Variants in NXPH1 observed in about 807,000 individuals in gnomAD.
NXPH1 encodes neurexophilin-1.
A neutral mutation model predicts 23.7 loss-of-function variants in NXPH1; 5 were observed. That is an observed-to-expected ratio of 0.21 (90% CI 0.11 to 0.44). The LOEUF (loss-of-function observed/expected upper bound fraction) is 0.44, where lower values mean the gene tolerates loss of function less well. Among genes scored for constraint, NXPH1 ranks in the 20% least tolerant of loss-of-function variants. The pLI is 0.99. For synonymous variants in NXPH1, 144 were observed against 122.2 expected (o/e 1.18, Z -1.18); for missense variants, 324 against 321.6 (o/e 1.01, Z -0.06).
At chr7:8,563,572 G>C (rs1029030471) in intron 2 of NXPH1, among the ~76,000 whole-genome samples, 16 of 151,792 alleles carry the variant, frequency 1.1e-4, no homozygotes, top group African/African-American at 3.9e-4. Context: ...CTGACTATGA[G>C]CAATAAGGTG....
chr7:8,525,948 A>T (rs1817854849), intron 2 of NXPH1, among the ~76,000 whole-genome samples: 1 of 152,134 alleles, frequency 6.6e-6, no homozygotes, highest in Admixed American at 6.5e-5. Flanking sequence ...CTGGGGCTCC[A>T]CCTAGTGGAG....
intron 2 of NXPH1, among the ~76,000 whole-genome samples, chr7:8,738,595 G>A (rs962022757): frequency 2.6e-5 from 4 of 152,160 alleles, no homozygotes; most frequent in African/African-American, 7.2e-5. Flanking sequence ...CAGGAGGCAC[G>A]GGAGTGAGGG....
intron 2 of NXPH1, among the ~76,000 whole-genome samples, chr7:8,637,610 A>G (rs1018841576): frequency 2.0e-5 from 3 of 152,078 alleles, no homozygotes; most frequent in Non-Finnish European, 4.4e-5. Context: ...AATTGGCCAC[A>G]CTAACAGCTC....
At chr7:8,595,736 C>T (rs758475136) in intron 2 of NXPH1, among the ~76,000 whole-genome samples, 5 of 151,570 alleles carry the variant, frequency 3.3e-5, no homozygotes, top group Admixed American at 2.0e-4. Flanking sequence ...TGTCTGTGTG[C>T]GTGTGCATGT....
intron 2 of NXPH1, among the ~76,000 whole-genome samples, chr7:8,643,996 T>A (rs947473671): frequency 6.6e-6 from 1 of 152,186 alleles, no homozygotes; most frequent in African/African-American, 2.4e-5. Context: ...TTGGGGTTCA[T>A]GGACAACAAC....
At chr7:8,669,095 T>C (rs1820826501) in intron 2 of NXPH1, among the ~76,000 whole-genome samples, 1 of 152,142 alleles carries the variant, frequency 6.6e-6, no homozygotes. Context: ...AGCCAATAAA[T>C]TGCTGTGATT....
chr7:8,517,625 T>G (rs1817706904), intron 2 of NXPH1, among the ~76,000 whole-genome samples: 1 of 152,144 alleles, frequency 6.6e-6, no homozygotes, highest in Non-Finnish European at 1.5e-5. Context: ...AAAGAGAACA[T>G]ACGGCACTGG....
intron 2 of NXPH1, among the ~76,000 whole-genome samples, chr7:8,612,222 C>A (rs1172994366): frequency 1.3e-5 from 2 of 148,744 alleles, no homozygotes; most frequent in African/African-American, 2.5e-5. Flanking sequence ...CTTTTTCTTT[C>A]TTTTTTTTAC....
At chr7:8,641,640 A>T (rs147335172) in intron 2 of NXPH1, among the ~76,000 whole-genome samples, 2 of 151,986 alleles carry the variant, frequency 1.3e-5, no homozygotes. Flanking sequence ...TTCATTAGCC[A>T]TTGCTTATGG....
chr7:8,738,876 G>T (rs1780309783), intron 2 of NXPH1, among the ~76,000 whole-genome samples: 1 of 152,044 alleles, frequency 6.6e-6, no homozygotes, highest in Admixed American at 6.5e-5. Context: ...GCTGAGCTGT[G>T]GTGGGCTTCA....
At chr7:8,658,438 A>G (rs889543463) in intron 2 of NXPH1, among the ~76,000 whole-genome samples, 1 of 152,236 alleles carries the variant, frequency 6.6e-6, no homozygotes, top group African/African-American at 2.4e-5. Context: ...CATTGTAACT[A>G]CAGCTACAAT....
chr7:8,434,953 G>C lies in NXPH1; in HGVS notation c.-111+198G>C, dbSNP rs1816163287. ...CTTTGGCTCGAAAAAAGTAGTGCTA[G>C]AGATGTGACTGTGAGCATTCGTGGG... is the stretch of plus-strand genomic sequence containing the variant. On this transcript the variant is annotated intron_variant, in intron 1 of 2. Coordinates refer to ENST00000405863, the MANE Select transcript of NXPH1 (RefSeq NM_152745.3). This position sits in a 1 kb window ranked among gnomAD's most constrained non-coding sequence, Gnocchi z 7.6. 1 of 152,290 alleles carries C rather than the reference G, an allele frequency of 6.6e-6. No homozygotes were observed. Among genetic ancestry groups the C allele is most frequent in the Non-Finnish European group, 1.5e-5 (1 of 68,130 alleles). 9.4% of individuals were successfully genotyped at this position (152,290 alleles called of 1,614,324 possible).
intron 2 of NXPH1, among the ~76,000 whole-genome samples, chr7:8,616,863 A>AC (rs1274189628): frequency 6.6e-6 from 1 of 151,810 alleles, no homozygotes; most frequent in Non-Finnish European, 1.5e-5. Flanking sequence ...TAAAAAAAAA[A>AC]AAAACCACTC....
intron 2 of NXPH1, among the ~76,000 whole-genome samples, chr7:8,604,750 G>A (rs551182717): frequency 3.9e-5 from 6 of 152,050 alleles, no homozygotes; most frequent in African/African-American, 1.4e-4. Context: ...GACTACTAGT[G>A]GCAATAGCAT....
intron 2 of NXPH1, among the ~76,000 whole-genome samples, chr7:8,519,324 T>C (rs1817733784): frequency 6.6e-6 from 1 of 152,180 alleles, no homozygotes; most frequent in Non-Finnish European, 1.5e-5. Context: ...CCCCTTCCTA[T>C]GTAGACAGTC....
intron 2 of NXPH1, among the ~76,000 whole-genome samples, chr7:8,573,526 G>A (rs1044395223): frequency 6.6e-6 from 1 of 152,088 alleles, no homozygotes; most frequent in Non-Finnish European, 1.5e-5. Context: ...TTGGCAACAA[G>A]GAACAGTTGG....
intron 2 of NXPH1, among the ~76,000 whole-genome samples, chr7:8,539,496 T>G (rs1483273792): frequency 6.6e-6 from 1 of 151,840 alleles, no homozygotes; most frequent in East Asian, 1.9e-4. Flanking sequence ...AAGTTATATA[T>G]GAGTTATCAG....
chr7:8,474,210 A>G (rs1031283076), intron 2 of NXPH1, among the ~76,000 whole-genome samples: 10 of 152,270 alleles, frequency 6.6e-5, no homozygotes, highest in African/African-American at 2.4e-4. Flanking sequence ...AATGAGGTGT[A>G]TAAAAATAAT....
intron 2 of NXPH1, among the ~76,000 whole-genome samples, chr7:8,531,480 T>G (rs1817948935): frequency 6.6e-6 from 1 of 152,176 alleles, no homozygotes; most frequent in Non-Finnish European, 1.5e-5. Context: ...CGATCTCTTC[T>G]GTGAGCACCC....
Sources: gnomAD v4.1 joint callset for allele counts (sites outside exome capture counted in the v4.1 genomes callset) on GRCh38, gnomAD v4.1.1 for gene constraint, Gnocchi (gnomAD v3.1) non-coding constraint, MANE v1.5 for transcripts, NCBI Gene and HGNC (gene_info 2026-07-23, HGNC 2026-07-21) for gene names.